CES5A: variants seen among roughly 807,000 people sequenced by gnomAD.
The protein encoded by CES5A is carboxylesterase 5.
CES5A carries 67 observed loss-of-function variants against 62.9 expected under a neutral mutation model. That is an observed-to-expected ratio of 1.07 (90% CI 0.88 to 1.31). The LOEUF (loss-of-function observed/expected upper bound fraction) is 1.31, where lower values mean the gene tolerates loss of function less well. CES5A is among the 50% of genes most tolerant of loss of function. The probability of loss-of-function intolerance (pLI) is 0.00; values close to 1 mark genes in which losing one functional copy is unlikely to be tolerated. For missense variants in CES5A, 748 were observed against 708.5 expected (o/e 1.06, Z -0.63); for synonymous variants, 296 against 280.8 (o/e 1.05, Z -0.54).
chr16:55,853,225 G>T (rs1283833062), intron 9 of CES5A, among the ~76,000 whole-genome samples, 197 bp from the exon 10 acceptor site: 1 of 152,190 alleles, frequency 6.6e-6, no homozygotes, highest in African/African-American at 2.4e-5. Context: ...AGGTGAAGTG[G>T]TTGGGTCCAA....
At chr16:55,860,107 T>A (rs1437317642) in intron 7 of CES5A, among the ~76,000 whole-genome samples, 1 of 152,046 alleles carries the variant, frequency 6.6e-6, no homozygotes, top group Non-Finnish European at 1.5e-5. Context: ...AGTGAATAAA[T>A]CTCATGAGAT....
At chr16:55,926,747 T>G (rs2034261275), upstream of CES5A, among the ~76,000 whole-genome samples, 1 of 152,220 alleles carries the variant, frequency 6.6e-6, no homozygotes, top group Non-Finnish European at 1.5e-5. Flanking sequence ...CTAAATATTA[T>G]CATAATAAGT....
rs56017491 is a variant in CES5A at position 55,854,544 on chromosome 16, C to CTTTTTTTTTTTTTTTTTTTTTTTTTTTTT, written c.1126-1517_1126-1516insAAAAAAAAAAAAAAAAAAAAAAAAAAAAA. Reference sequence around the variant, plus strand: ...CCTGTAGTGTTTCTTTTTTTTTTTTCTTTTTTTTTTTTTGAGACAGAGTCT... The same window carrying CTTTTTTTTTTTTTTTTTTTTTTTTTTTTT: ...CCTGTAGTGTTTCTTTTTTTTTTTTCTTTTTTTTTTTTTTTTTTTTTTTTTTTTTTTTTTTTTTTTTTGAGACAGAGTCT... On this transcript the variant is annotated intron_variant, in intron 9 of 12. Transcript: ENST00000290567. Among the ~76,000 whole-genome samples, 181 of 64,398 alleles carry CTTTTTTTTTTTTTTTTTTTTTTTTTTTTT rather than the reference C, an allele frequency of 2.8e-3. 11 individuals carry two copies. The highest frequency in any genetic ancestry group is 3.4e-3 in the Non-Finnish European group (129 of 38,232). The allele number at this position is 64,398 out of a possible 152,430, so 42.2% of individuals were successfully genotyped here. A position where few individuals can be genotyped will look rare whatever the true frequency, so the allele number is the denominator to read the frequency against.
At chr16:55,929,183 C>T (rs2034285741), upstream of CES5A, among the ~76,000 whole-genome samples, 2 of 152,184 alleles carry the variant, frequency 1.3e-5, no homozygotes, top group South Asian at 4.1e-4. Flanking sequence ...TTAGGGTTTA[C>T]CAAGGGAGCA....
intron 1 of CES5A, among the ~76,000 whole-genome samples, chr16:55,921,994 A>G (rs1458205504): frequency 6.6e-6 from 1 of 152,022 alleles, no homozygotes; most frequent in African/African-American, 2.4e-5. Flanking sequence ...TCTATAAGAT[A>G]TTTTTTGTAA....
At chr16:55,945,808 G>A (rs1040475142) in intron 2 of CES5A, among the ~76,000 whole-genome samples, 4 of 152,140 alleles carry the variant, frequency 2.6e-5, no homozygotes, top group African/African-American at 9.7e-5. Flanking sequence ...AGGAAAGATA[G>A]GAAAGCATCC....
At chr16:55,890,576 A>C (rs2142432393) in intron 1 of CES5A, among the ~76,000 whole-genome samples, 1 of 152,322 alleles carries the variant, frequency 6.6e-6, no homozygotes, top group Middle Eastern at 3.4e-3. Context: ...TTATGAAAAA[A>C]TAAAAATTAA....
In CES5A at chr16:55,859,611, G is replaced by A. The variant is rs775825621; in HGVS notation, c.992C>T (p.Ala331Val). 1 of 1,613,618 alleles carries A rather than the reference G, an allele frequency of 6.2e-7. No homozygotes were observed. The highest frequency in any genetic ancestry group is 8.5e-7 in the Non-Finnish European group (1 of 1,179,738). ...NEPLDLLSQKAFKAIPSIIGV... is the reference protein window; with the variant it reads ...NEPLDLLSQKVFKAIPSIIGV... Reference sequence around the variant, plus strand: ...GATGATGGAAGGAATTGCTTTAAATGCTTTCTGAGACAATAGATCTAGAGG... The same window carrying A: ...GATGATGGAAGGAATTGCTTTAAATACTTTCTGAGACAATAGATCTAGAGG... Residue 331 changes from alanine (A) to valine (V), a missense_variant, in exon 8 of 13, where the codon GCA (alanine) becomes GTA (valine). Physicochemically the swap from Ala to Val is moderately conservative, Grantham distance 64. Coordinates refer to ENST00000290567, the MANE Select transcript of CES5A (RefSeq NM_001143685.2).
At chr16:55,892,715 C>T (rs1349768318) in intron 1 of CES5A, among the ~76,000 whole-genome samples, 1 of 128,752 alleles carries the variant, frequency 7.8e-6, no homozygotes, top group Non-Finnish European at 1.8e-5. Flanking sequence ...CTAACAACAA[C>T]AACAACAACA....
At chr16:55,894,700 C>T (rs112253453) in intron 1 of CES5A, among the ~76,000 whole-genome samples, 37 of 152,114 alleles carry the variant, frequency 2.4e-4, no homozygotes, top group African/African-American at 8.7e-4. Context: ...AATAATCAAA[C>T]ATTTACTGCA....
intron 1 of CES5A, chr16:55,949,967 A>G: frequency 3.0e-6 from 2 of 668,892 alleles, no homozygotes; most frequent in African/African-American, 1.8e-5. Context: ...ATAAAATATA[A>G]TATAACCAAT....
At chr16:55,859,462 G>A in intron 8 of CES5A, 85 bp downstream of exon 8, 2 of 1,349,812 alleles carry the variant, frequency 1.5e-6, no homozygotes, top group Non-Finnish European at 2.1e-6. Flanking sequence ...AATACCTGAT[G>A]TCTTCTGTGG....
In CES5A at chr16:55,875,316, A is replaced by G. The variant is rs1231478996; in HGVS notation, c.-95T>C. On this transcript the variant is annotated 5_prime_UTR_variant, in exon 1 of 13. Transcript: ENST00000290567. ...CAGAAAGAGCTTCCTGTTAACAGGC[A>G]AATGCTGAATAGGCAGGCAGAGGCA... is the stretch of plus-strand genomic sequence containing the variant. 1 of 1,556,652 alleles carries G rather than the reference A, an allele frequency of 6.4e-7. No homozygotes were observed. Among genetic ancestry groups the G allele is most frequent in the African/African-American group, 1.4e-5 (1 of 72,410 alleles).
At chr16:55,940,791 A>T (rs763641947) in intron 2 of CES5A, among the ~76,000 whole-genome samples, 89 of 143,284 alleles carry the variant, frequency 6.2e-4, no homozygotes, top group South Asian at 1.5e-3. Context: ...CAACCAAATT[A>T]AAAAAACACA....
intron 1 of CES5A, among the ~76,000 whole-genome samples, chr16:55,903,787 A>T (rs750374376): frequency 2.6e-4 from 39 of 152,208 alleles, no homozygotes; most frequent in Admixed American, 7.2e-4. Context: ...CAGAAATTGC[A>T]AGACCTGGAA....
chr16:55,871,986 A>T (rs531185987), intron 2 of CES5A: 1 of 509,830 alleles, frequency 2.0e-6, no homozygotes, highest in Non-Finnish European at 3.6e-6. Flanking sequence ...GTAGGAAAGC[A>T]CATGGTGTAG....
chr16:55,940,992 A>G lies in CES5A; in HGVS notation c.160+8793T>C, dbSNP rs185141290. 1.5e-3 allele frequency among the ~76,000 whole-genome samples: 230 copies of G among 152,120 alleles called. 1 individual carries two copies. Among genetic ancestry groups the G allele is most frequent in the African/African-American group, 5.3e-3 (222 of 41,584 alleles). On this transcript the variant is annotated intron_variant, in intron 2 of 13. Coordinates refer to the CES5A transcript ENST00000521992. Reference sequence around the variant, plus strand: ...CCTCTCCATAAACTTGAAATAGAAGAAAACATCCTCAATCTGACAAAGAAC... The same window carrying G: ...CCTCTCCATAAACTTGAAATAGAAGGAAACATCCTCAATCTGACAAAGAAC...
intron 1 of CES5A, among the ~76,000 whole-genome samples, chr16:55,883,231 GA>G (rs1313213630): frequency 1.3e-5 from 2 of 152,106 alleles, no homozygotes; most frequent in East Asian, 3.9e-4. Context: ...ATGGAATTGT[GA>G]AAGGCACCAC....
intron 2 of CES5A, among the ~76,000 whole-genome samples, chr16:55,940,711 C>T (rs553873650): frequency 7.9e-5 from 12 of 151,446 alleles, no homozygotes; most frequent in African/African-American, 1.7e-4. Flanking sequence ...ACAAAAATAG[C>T]GACAAATAGA....
Sources: gnomAD v4.1 joint callset for allele counts (sites outside exome capture counted in the v4.1 genomes callset) on GRCh38, gnomAD v4.1.1 for gene constraint, MANE v1.5 for transcripts, NCBI Gene and HGNC (gene_info 2026-07-23, HGNC 2026-07-21) for gene names.